ANKRD2: variants seen among roughly 807,000 people sequenced by gnomAD.
The protein encoded by ANKRD2 is ankyrin repeat domain 2, also known as ankyrin repeat domain-containing protein 2.
A neutral mutation model predicts 37.3 loss-of-function variants in ANKRD2; 35 were observed. The observed-to-expected ratio is 0.94, with a 90% confidence interval of 0.72 to 1.24. The LOEUF (loss-of-function observed/expected upper bound fraction) is 1.24, where lower values mean the gene tolerates loss of function less well. Ranked by LOEUF, ANKRD2 falls within the 50% of genes most tolerant of loss-of-function variation. The pLI, the probability that ANKRD2 is intolerant of heterozygous loss-of-function variation, is 0.00. For missense variants in ANKRD2, 410 were observed against 445.6 expected, an observed-to-expected ratio of 0.92 and a Z score of 0.72; for synonymous variants, 159 against 186.5, an observed-to-expected ratio of 0.85 and a Z score of 1.20.
intron 1 of ANKRD2, among the ~76,000 whole-genome samples, chr10:97,573,467 G>A (rs1387029519): frequency 6.6e-6 from 1 of 151,826 alleles, no homozygotes; most frequent in Non-Finnish European, 1.5e-5. Context: ...TCCCTCTGTT[G>A]CCCAGGCTGG....
chr10:97,578,435 G>T, intron 3 of ANKRD2, 37 bp downstream of exon 3: 1 of 1,610,190 alleles, frequency 6.2e-7, no homozygotes, highest in Non-Finnish European at 8.5e-7. Flanking sequence ...AGGGGGCGGA[G>T]GGGGAGCCCG....
At chr10:97,581,104 C>G in intron 5 of ANKRD2, 151 bp downstream of exon 5, 2 of 828,556 alleles carry the variant, frequency 2.4e-6, no homozygotes, top group Middle Eastern at 2.4e-4. Flanking sequence ...CTTGAGTAAG[C>G]CCCTTCTCCT....
At chr10:97,573,130 T>C (rs1163109458) in intron 1 of ANKRD2, among the ~76,000 whole-genome samples, 1 of 152,210 alleles carries the variant, frequency 6.6e-6, no homozygotes, top group Non-Finnish European at 1.5e-5. Flanking sequence ...CTGCTCACCC[T>C]CCTGGGCCTT....
At chr10:97,582,281 C>T (rs375926537) in intron 6 of ANKRD2, 34 bp from the exon 7 acceptor site, 334 of 1,533,874 alleles carry the variant, frequency 2.2e-4, no homozygotes, top group Non-Finnish European at 2.8e-4. Context: ...GTTCAGGCCC[C>T]GTCAACTAGC....
At chr10:97,574,896 G>A (rs2040805785) in intron 1 of ANKRD2, among the ~76,000 whole-genome samples, 1 of 148,064 alleles carries the variant, frequency 6.8e-6, no homozygotes, top group Non-Finnish European at 1.5e-5. Context: ...CTGGAGTGCT[G>A]CCAATAGACA....
chr10:97,577,948 T>C (rs1197698333), intron 2 of ANKRD2, 47 bp downstream of exon 2: 2 of 1,507,458 alleles, frequency 1.3e-6, no homozygotes, highest in East Asian at 2.5e-5. Context: ...ACCAGCCAGG[T>C]AGCCATGGCC....
intron 1 of ANKRD2, among the ~76,000 whole-genome samples, chr10:97,577,561 A>G (rs181722695): frequency 2.6e-5 from 4 of 152,352 alleles, no homozygotes; most frequent in Admixed American, 6.5e-5. Context: ...GATCCAGGCC[A>G]GTTAGTGGGC....
At chr10:97,580,206 G>A (rs1426915654) in intron 4 of ANKRD2, among the ~76,000 whole-genome samples, 2 of 152,198 alleles carry the variant, frequency 1.3e-5, no homozygotes, top group African/African-American at 2.4e-5. Flanking sequence ...GACCAGGGTT[G>A]GTTCCTTGGG....
chr10:97,579,094 G>T (rs1313435925), intron 4 of ANKRD2, among the ~76,000 whole-genome samples: 3 of 151,910 alleles, frequency 2.0e-5, no homozygotes, highest in Non-Finnish European at 4.4e-5. Context: ...TGGGAGGAGC[G>T]CTTGAGCCTA....
At chr10:97,580,371 AATCAGTG>A (rs988002925) in intron 4 of ANKRD2, among the ~76,000 whole-genome samples, 11 of 152,192 alleles carry the variant, frequency 7.2e-5, no homozygotes, top group Non-Finnish European at 2.9e-5. Flanking sequence ...TCTTTCTTTG[AATCAGTG>A]ATCAGTGTCA....
upstream of ANKRD2, chr10:97,572,538 C>T: frequency 1.2e-6 from 1 of 820,504 alleles, no homozygotes; most frequent in Admixed American, 2.9e-5. Flanking sequence ...TGGACGGGCT[C>T]CTTCCTGCAC....
Position 97,582,184 on chromosome 10 carries a change from C to T in ANKRD2, c.655-131C>T, listed in dbSNP as rs2040906111. ...GTAAGAAATTGTACCATTCTCTGCC[C>T]CTCCAAGGCTCAGGCCTTGGCACTA... On this transcript the variant is annotated intron_variant, in intron 6 of 8. Coordinates refer to ENST00000370655, the MANE Select transcript of ANKRD2 (RefSeq NM_001346793.2). The T allele has an allele frequency of 1.1e-5, 8 of 695,854 alleles. No individual in the cohort carries two copies. In the South Asian group the frequency reaches 1.2e-4, roughly 11 times the overall value. The allele number at this position is 695,854 out of a possible 1,614,324, so 43.1% of individuals were successfully genotyped here.
At position 97,583,203 on chromosome 10, in the gene ANKRD2, G is replaced by T. The variant is rs562950503; in HGVS notation, c.853-373G>T. 3.9e-5 allele frequency among the ~76,000 whole-genome samples: 6 copies of T among 152,272 alleles called. No homozygotes were observed. The South Asian group carries it at 1.0e-3, about 26-fold the overall frequency. The stretch of plus-strand genomic sequence containing the variant: ...TTTGGGGCCCAGAGCATTCACAAAA[G>T]GAGGCCATGGGAGAGTCCCTCGGGC... On this transcript the variant is annotated intron_variant, in intron 8 of 8. Transcript: ENST00000370655.
intron 8 of ANKRD2, 32 bp from the exon 9 acceptor site, chr10:97,583,544 C>G (rs757785021): frequency 2.8e-5 from 43 of 1,545,846 alleles, no homozygotes; most frequent in Middle Eastern, 3.4e-4. Flanking sequence ...TTTTCTCTTG[C>G]CAACCCCCAC....
chr10:97,582,887 G>A (rs2040920603), intron 8 of ANKRD2, among the ~76,000 whole-genome samples, 185 bp downstream of exon 8: 1 of 152,210 alleles, frequency 6.6e-6, no homozygotes, highest in Non-Finnish European at 1.5e-5. Flanking sequence ...CTCTATGTGT[G>A]TCTATGTCCA....
At chr10:97,581,024 C>T in intron 5 of ANKRD2, 71 bp downstream of exon 5, 1 of 1,363,956 alleles carries the variant, frequency 7.3e-7, no homozygotes, top group Non-Finnish European at 1.0e-6. Flanking sequence ...CCTCTCCCTG[C>T]CACCTGTGCC....
intron 8 of ANKRD2, 38 bp downstream of exon 8, chr10:97,582,740 A>G: frequency 6.3e-7 from 1 of 1,592,832 alleles, no homozygotes. Flanking sequence ...CACTGGCGTG[A>G]GCACTCATAC....
Position 97,582,373 on chromosome 10 carries a change from A to G in ANKRD2, c.713A>G (p.His238Arg), listed in dbSNP as rs1297256772. ...ACAGGGCAGGTGGAGATTGTGGAGC[A>G]CTTTCTATCCCTGGGCCTGGAAATC... Reference protein sequence around the residue: ...VRTGQVEIVEHFLSLGLEINA... With the variant: ...VRTGQVEIVERFLSLGLEINA... The change falls in exon 7 of 9, where the codon CAC becomes CGC. Residue 238 changes from histidine (H) to arginine (R), a missense_variant. His to Arg is a conservative substitution (Grantham distance 29). Transcript: ENST00000370655. 19 of 1,562,680 alleles carry G rather than the reference A, an allele frequency of 1.2e-5. No homozygotes were observed. Among genetic ancestry groups the G allele is most frequent in the Non-Finnish European group, 1.6e-5 (19 of 1,152,886 alleles).
chr10:97,574,909 C>A (rs1038738116), intron 1 of ANKRD2, among the ~76,000 whole-genome samples: 1 of 147,928 alleles, frequency 6.8e-6, no homozygotes, highest in Admixed American at 6.6e-5. Flanking sequence ...AATAGACACA[C>A]AGACCTTCAG....
Sources: gnomAD v4.1 joint callset for allele counts (sites outside exome capture counted in the v4.1 genomes callset) on GRCh38, gnomAD v4.1.1 for gene constraint, MANE v1.5 for transcripts, NCBI Gene and HGNC (gene_info 2026-07-23, HGNC 2026-07-21) for gene names.